SEL1L2: variants seen among roughly 807,000 people sequenced by gnomAD.
SEL1L2 encodes the protein SEL1L2 adaptor subunit of SYVN1 ubiquitin ligase, also known as protein sel-1 homolog 2.
In SEL1L2, 89 loss-of-function variants were observed where a neutral mutation model predicts 98.8. That is an observed-to-expected ratio of 0.90 (90% confidence interval 0.76 to 1.07). The LOEUF (loss-of-function observed/expected upper bound fraction) is 1.07, where lower values mean the gene tolerates loss of function less well. SEL1L2 is among the 50% of genes least tolerant of loss of function. The pLI, the probability that SEL1L2 is intolerant of heterozygous loss-of-function variation, is 0.00. For missense variants in SEL1L2, 788 were observed against 812.0 expected (o/e 0.97, Z 0.36); for synonymous variants, 262 against 278.5 (o/e 0.94, Z 0.59).
At chr20:13,892,138 A>G (rs1414686381) in intron 5 of SEL1L2, among the ~76,000 whole-genome samples, 3 of 152,306 alleles carry the variant, frequency 2.0e-5, no homozygotes, top group Non-Finnish European at 2.9e-5. Flanking sequence ...TGTCATTATC[A>G]GTTTAATATA....
At chr20:13,964,548 G>A (rs921514521) in intron 1 of SEL1L2, among the ~76,000 whole-genome samples, 3 of 150,112 alleles carry the variant, frequency 2.0e-5, no homozygotes, top group Non-Finnish European at 4.4e-5. Context: ...CGCCTCCCTG[G>A]TTCAAGCGAT....
At chr20:13,905,977 C>G (rs547622835) in intron 5 of SEL1L2, among the ~76,000 whole-genome samples, 1 of 150,202 alleles carries the variant, frequency 6.7e-6, no homozygotes, top group Admixed American at 6.7e-5. Context: ...CAGGTTCAAG[C>G]GATTCTCCTG....
chr20:13,935,278 C>T (rs2049396927), intron 2 of SEL1L2, among the ~76,000 whole-genome samples: 1 of 152,208 alleles, frequency 6.6e-6, no homozygotes, highest in South Asian at 2.1e-4. Flanking sequence ...GCATTGCTCT[C>T]AGTCCCTGCT....
At chr20:13,872,459 G>A (rs1287603838) in intron 12 of SEL1L2, among the ~76,000 whole-genome samples, 4 of 152,170 alleles carry the variant, frequency 2.6e-5, no homozygotes, top group East Asian at 1.9e-4. Flanking sequence ...GAAGAAGGAC[G>A]TGGTTGCTTT....
intron 18 of SEL1L2, among the ~76,000 whole-genome samples, chr20:13,855,412 TG>T (rs1346545495): frequency 6.6e-6 from 1 of 151,484 alleles, no homozygotes; most frequent in African/African-American, 2.4e-5. Context: ...CGGTTTTATT[TG>T]GGGGAGAGGG....
intron 2 of SEL1L2, among the ~76,000 whole-genome samples, chr20:13,934,683 T>C (rs1432546203): frequency 6.6e-6 from 1 of 151,324 alleles, no homozygotes; most frequent in Non-Finnish European, 1.5e-5. Flanking sequence ...GTTTAAGGAA[T>C]CTTCACACTG....
chr20:13,851,152 G>A (rs867087867), intron 18 of SEL1L2, among the ~76,000 whole-genome samples: 8 of 152,180 alleles, frequency 5.3e-5, no homozygotes, highest in Non-Finnish European at 7.4e-5. Flanking sequence ...GCTTGAACCC[G>A]GGAGGCAGCG....
chr20:13,976,900 T>C (rs2051564667), intron 1 of SEL1L2, among the ~76,000 whole-genome samples: 1 of 152,208 alleles, frequency 6.6e-6, no homozygotes, highest in Non-Finnish European at 1.5e-5. Context: ...GTTCTAGATT[T>C]AGCTTTGCAA....
chr20:13,971,700 G>A (rs2051291165), intron 1 of SEL1L2, among the ~76,000 whole-genome samples: 1 of 151,982 alleles, frequency 6.6e-6, no homozygotes, highest in African/African-American at 2.4e-5. Flanking sequence ...CTCCCAAAGT[G>A]TTGGGATTAC....
chr20:13,888,961 CTTT>C (rs35149100), intron 5 of SEL1L2, among the ~76,000 whole-genome samples: 4 of 127,964 alleles, frequency 3.1e-5, no homozygotes, highest in Admixed American at 7.9e-5. Flanking sequence ...CTTTTCTTTT[CTTT>C]TTTTTTTTTT....
intron 17 of SEL1L2, among the ~76,000 whole-genome samples, chr20:13,864,831 G>T (rs758603228): frequency 5.3e-5 from 8 of 152,140 alleles, no homozygotes; most frequent in Non-Finnish European, 8.8e-5. Flanking sequence ...GTTCAGTCAA[G>T]ATCTCAGCAA....
intron 1 of SEL1L2, among the ~76,000 whole-genome samples, chr20:13,990,114 A>G (rs1569098742): frequency 1.3e-5 from 2 of 152,192 alleles, no homozygotes; most frequent in African/African-American, 2.4e-5. Context: ...TTTGAGTCTT[A>G]TATTTTTCCT....
rs1009077652 is a variant in SEL1L2, at chr20:13,887,950, T to A, written c.655A>T (p.Met219Leu). Residue 219 changes from methionine (M) to leucine (L), a missense_variant, in exon 7 of 20, where the codon ATG becomes TTG. Met to Leu is a conservative substitution (Grantham distance 15). Transcript: ENST00000284951. ...GSAGGNMMSQ[M>L]ILGYRYLSGI... ...ATATTTTGTTTACAAACCAAAATCATCTGGGACATCATGTTTCCTCCAGCA... is the reference window on the plus strand; with the variant it reads ...ATATTTTGTTTACAAACCAAAATCAACTGGGACATCATGTTTCCTCCAGCA... The A allele has an allele frequency of 1.2e-6, 2 of 1,613,670 alleles. No homozygotes were observed. Among genetic ancestry groups the A allele is most frequent in the African/African-American group, 2.7e-5 (2 of 74,914 alleles).
chr20:13,913,297 G>A (rs927532671), intron 5 of SEL1L2, among the ~76,000 whole-genome samples: 13 of 152,310 alleles, frequency 8.5e-5, no homozygotes, highest in Non-Finnish European at 1.8e-4. Context: ...TTAGGATGAT[G>A]TAAAAAGAGA....
At chr20:13,923,272 C>T (rs2048739005) in intron 3 of SEL1L2, among the ~76,000 whole-genome samples, 1 of 152,122 alleles carries the variant, frequency 6.6e-6, no homozygotes, top group Admixed American at 6.5e-5. Context: ...CTAAGTTATT[C>T]AAACAACGTT....
chr20:13,956,104 CT>C lies in SEL1L2; in HGVS notation c.85del (p.Arg29AspfsTer13). The C allele has an allele frequency of 1.3e-6, 2 of 1,562,458 alleles. No homozygotes were observed. The highest frequency in any genetic ancestry group is 1.7e-6 in the Non-Finnish European group (2 of 1,148,200). ...TGTGGTGACATTTCTTTCCTTTTGTCTTTTATTATGTTCCTCTGCTTTGATA... is the reference window on the plus strand; with the variant it reads ...TGTGGTGACATTTCTTTCCTTTTGTCTTTATTATGTTCCTCTGCTTTGATA... ...KTIKAEEHNK[R>X]QKERNVTTQV... On this transcript the variant is annotated frameshift_variant, in exon 2 of 20. Transcript: ENST00000284951. LOFTEE classifies it high-confidence loss of function.
intron 4 of SEL1L2, among the ~76,000 whole-genome samples, chr20:13,917,433 C>T (rs2048450977): frequency 6.6e-6 from 1 of 152,270 alleles, no homozygotes; most frequent in South Asian, 2.1e-4. Flanking sequence ...CCATTTCCTT[C>T]TTGTAATTTG....
chr20:13,865,332 AT>A lies in SEL1L2; in HGVS notation c.1570+16del. The A allele has an allele frequency of 3.1e-6, 5 of 1,613,292 alleles. No homozygotes were observed. The highest frequency in any genetic ancestry group is 4.2e-6 in the Non-Finnish European group (5 of 1,179,390). On this transcript the variant is annotated intron_variant, in intron 16 of 19. Transcript: ENST00000284951. ...ATGTATGATTGGGGGATTGCAGAGA[AT>A]TTTAACTCATCTTACTAGATTCCAA...
chr20:13,933,173 T>C (rs867586583), intron 2 of SEL1L2, among the ~76,000 whole-genome samples: 20 of 152,110 alleles, frequency 1.3e-4, no homozygotes, highest in Middle Eastern at 3.4e-3. Context: ...TGCGCCACTG[T>C]ACTCCAGCCA....
Sources: allele counts gnomAD v4.1 joint callset (sites outside exome capture counted in the v4.1 genomes callset), GRCh38; gene constraint gnomAD v4.1.1; transcripts MANE v1.5; gene names NCBI Gene and HGNC (gene_info 2026-07-23, HGNC 2026-07-21).